The following PCDH11X variants were observed in gnomAD, a reference collection of about 807,000 sequenced individuals.
PCDH11X encodes protocadherin 11 X-linked.
PCDH11X carries 18 observed loss-of-function variants against 53.3 expected under a neutral mutation model. That is an observed-to-expected ratio of 0.34 (90% CI 0.23 to 0.50). PCDH11X has a LOEUF of 0.50. Ranked by LOEUF, PCDH11X falls within the 20% of genes least tolerant of loss-of-function variation. The pLI is 0.98. For missense variants in PCDH11X, 570 were observed against 1,032.4 expected (o/e 0.55, Z 6.14); for synonymous variants, 279 against 393.3 (o/e 0.71, Z 3.44).
intron 9 of PCDH11X, among the ~76,000 whole-genome samples, chrX:92,432,174 AT>A (rs1329112560): frequency 2.5e-4 from 27 of 109,541 alleles, no homozygotes; most frequent in African/African-American, 8.9e-4. Flanking sequence ...TTAAAATTGC[AT>A]TGTCATTTAA....
intron 6 of PCDH11X, among the ~76,000 whole-genome samples, chrX:91,991,585 C>A (rs1451243149): frequency 1.2e-5 from 1 of 80,894 alleles, no homozygotes; most frequent in African/African-American, 4.6e-5. Context: ...CTATTTAATT[C>A]TTTTTTTTTT....
At chrX:91,891,362 G>A (rs1245037749) in intron 6 of PCDH11X, among the ~76,000 whole-genome samples, 1 of 101,411 alleles carries the variant, frequency 9.9e-6, no homozygotes, top group Non-Finnish European at 2.0e-5. Flanking sequence ...TGTCAGCAGG[G>A]GCTACTAGTT....
chrX:92,485,414 G>A (rs1038842502), intron 10 of PCDH11X, among the ~76,000 whole-genome samples: 12 of 111,251 alleles, frequency 1.1e-4, no homozygotes, highest in Non-Finnish European at 2.1e-4. Flanking sequence ...TTATAATAAT[G>A]TAACAAGATG....
At chrX:92,201,545 A>T (rs1353891668) in intron 7 of PCDH11X, 90 bp downstream of exon 7, 1 of 516,254 alleles carries the variant, frequency 1.9e-6, no homozygotes, top group Admixed American at 4.6e-5. Context: ...AGTGTGCATA[A>T]TGTGTATTCC....
At chrX:92,531,306 C>A (rs1431244597) in intron 10 of PCDH11X, among the ~76,000 whole-genome samples, 3 of 111,193 alleles carry the variant, frequency 2.7e-5, no homozygotes, top group Admixed American at 1.9e-4. Flanking sequence ...GTCAGTGTTC[C>A]AATTTTTCTT....
chrX:92,349,943 C>T (rs901049029), intron 8 of PCDH11X, among the ~76,000 whole-genome samples: 5 of 108,882 alleles, frequency 4.6e-5, no homozygotes, highest in Non-Finnish European at 9.5e-5. Context: ...AATTTAGATG[C>T]TCCTTGACTT....
At chrX:92,152,907 C>T (rs1175102501) in intron 6 of PCDH11X, among the ~76,000 whole-genome samples, 1 of 108,918 alleles carries the variant, frequency 9.2e-6, no homozygotes, top group Admixed American at 1.0e-4. Context: ...AAGTGCTTCT[C>T]CTGCCTCAGT....
At position 92,029,909 on chromosome X, in the gene PCDH11X, A is replaced by G. The variant is rs1416690135; in HGVS notation, c.3033+150636A>G. Among the ~76,000 whole-genome samples, 8 of 112,370 alleles carry G rather than the reference A, an allele frequency of 7.1e-5. No homozygotes were observed. The Admixed American group carries it at 7.6e-4, about 11-fold the overall frequency. On this transcript the variant is annotated intron_variant, in intron 6 of 10. Transcript: ENST00000682573. The stretch of plus-strand genomic sequence containing the variant: ...GGGTGTTGATTGATATTAGAAATTC[A>G]GGCCAATAAGACGCAAAGAGAAACA...
chrX:92,095,740 G>T (rs1396203017), intron 6 of PCDH11X, among the ~76,000 whole-genome samples: 10 of 112,138 alleles, frequency 8.9e-5, no homozygotes, highest in African/African-American at 1.3e-4. Flanking sequence ...CAAGGGTAAT[G>T]ACTTTGCTTT....
intron 10 of PCDH11X, among the ~76,000 whole-genome samples, chrX:92,603,566 A>C (rs1385512055): frequency 2.3e-4 from 25 of 108,931 alleles, no homozygotes; most frequent in African/African-American, 8.3e-4. Flanking sequence ...TTTGGAGGGA[A>C]AAAAAAAGAC....
At chrX:92,454,192 T>C (rs2072862788) in intron 9 of PCDH11X, among the ~76,000 whole-genome samples, 1 of 104,011 alleles carries the variant, frequency 9.6e-6, no homozygotes, top group African/African-American at 3.5e-5. Context: ...TATATAATTA[T>C]ATGTGTAGTG....
chrX:92,607,288 TA>T (rs1168647369), intron 10 of PCDH11X, among the ~76,000 whole-genome samples: 1 of 109,154 alleles, frequency 9.2e-6, no homozygotes, highest in African/African-American at 3.3e-5. Context: ...TCTTGGGTAA[TA>T]AAAAAAGAAC....
intron 6 of PCDH11X, among the ~76,000 whole-genome samples, chrX:91,897,940 C>G (rs974011498): frequency 1.8e-5 from 2 of 111,943 alleles, no homozygotes; most frequent in African/African-American, 6.5e-5. Context: ...CACTGAAAAG[C>G]AAGGTGTGGT....
chrX:91,895,072 G>T (rs1471085107), intron 6 of PCDH11X, among the ~76,000 whole-genome samples: 2 of 110,835 alleles, frequency 1.8e-5, no homozygotes, highest in Admixed American at 9.7e-5. Flanking sequence ...TCTGGATAAG[G>T]TGACTCTTTT....
chrX:92,430,809 T>C (rs1241915008), intron 9 of PCDH11X, among the ~76,000 whole-genome samples: 3 of 109,727 alleles, frequency 2.7e-5, no homozygotes, highest in Admixed American at 2.0e-4. Context: ...AGCACATAAA[T>C]AAAAATAAAT....
intron 10 of PCDH11X, among the ~76,000 whole-genome samples, chrX:92,574,218 A>T (rs1321895581): frequency 5.6e-5 from 5 of 89,186 alleles, no homozygotes; most frequent in African/African-American, 2.1e-4. Flanking sequence ...TCATATTGCA[A>T]ATGGAGAGTC....
chrX:92,103,661 G>A (rs376129243), intron 6 of PCDH11X, among the ~76,000 whole-genome samples: 6 of 112,044 alleles, frequency 5.4e-5, no homozygotes, highest in African/African-American at 9.7e-5. Context: ...GGCTGCGGGC[G>A]TTCCTTGGCC....
chrX:92,078,209 T>C (rs1239264968), intron 6 of PCDH11X, among the ~76,000 whole-genome samples: 7 of 110,396 alleles, frequency 6.3e-5, no homozygotes, highest in Non-Finnish European at 1.3e-4. Flanking sequence ...ACTTGGCATC[T>C]TTACAATATT....
Position 91,877,129 on chromosome X carries a change from A to G in PCDH11X, c.889A>G (p.Arg297Gly). The change falls in exon 6 of 11, where the codon AGG (arginine) becomes GGG (glycine). Residue 297 changes from arginine to glycine, a missense_variant. Arg to Gly is a moderately radical substitution (Grantham distance 125). Transcript: ENST00000682573. ...CAGCAATCTAGTCTCCAACATTGCC[A>G]GGAGATTATTTCACCTCAATGCCAC... The part of the protein sequence containing the change: ...SFSNLVSNIA[R>G]RLFHLNATTG... The G allele has an allele frequency of 1.8e-6, 2 of 1,096,817 alleles. No individual in the cohort carries two copies. Among genetic ancestry groups the G allele is most frequent in the Non-Finnish European group, 2.5e-6 (2 of 803,203 alleles). The allele number at this position is 1,096,817 out of a possible 1,213,427, so 90.4% of individuals were successfully genotyped here. A position where few individuals can be genotyped will look rare whatever the true frequency, so the allele number is the denominator to read the frequency against.
Sources: gnomAD v4.1 joint callset for allele counts (sites outside exome capture counted in the v4.1 genomes callset) on GRCh38, gnomAD v4.1.1 for gene constraint, MANE v1.5 for transcripts, NCBI Gene and HGNC (gene_info 2026-07-23, HGNC 2026-07-21) for gene names.